PDXDC1: variants seen among roughly 807,000 people sequenced by gnomAD.
PDXDC1 encodes pyridoxal-dependent decarboxylase domain-containing protein 1.
In PDXDC1, 42 loss-of-function variants were observed where a neutral mutation model predicts 100.1. That is an observed-to-expected ratio of 0.42 (90% CI 0.33 to 0.54). The LOEUF (loss-of-function observed/expected upper bound fraction) is 0.54. Ranked by LOEUF, PDXDC1 falls within the 20% of genes least tolerant of loss-of-function variation. PDXDC1 has a pLI of 0.10. For missense variants in PDXDC1, 636 were observed against 979.2 expected (o/e 0.65, Z 4.68); for synonymous variants, 260 against 371.7 (o/e 0.70, Z 3.46).
intron 16 of PDXDC1, among the ~76,000 whole-genome samples, chr16:15,117,450 A>C (rs2151884796): frequency 6.7e-6 from 1 of 149,466 alleles, no homozygotes; most frequent in East Asian, 2.0e-4. Flanking sequence ...CGAGGTCAAG[A>C]GATGGAGACT....
At chr16:15,020,975 A>AACACACACACACACACACAC (rs66850292) in intron 12 of PDXDC1, among the ~76,000 whole-genome samples, 6 of 145,928 alleles carry the variant, frequency 4.1e-5, no homozygotes, top group African/African-American at 1.0e-4. Context: ...GCACCATCTA[A>AACACACACACACACACACAC]ACACACACAC....
chr16:15,114,710 CT>C, intron 16 of PDXDC1: 1 of 519,950 alleles, frequency 1.9e-6, no homozygotes, highest in Non-Finnish European at 3.4e-6. Flanking sequence ...GATTCCACTG[CT>C]ACAAAAAAGA....
At chr16:14,998,632 A>G (rs1432716733) in intron 3 of PDXDC1, among the ~76,000 whole-genome samples, 1 of 152,268 alleles carries the variant, frequency 6.6e-6, no homozygotes, top group Non-Finnish European at 1.5e-5. Flanking sequence ...TATTTTCAGT[A>G]GAGATGGGAT....
intron 16 of PDXDC1, chr16:15,060,103 C>T (rs2044658844): frequency 5.9e-6 from 2 of 336,388 alleles, no homozygotes; most frequent in East Asian, 2.0e-4. Flanking sequence ...TTCATTTTCA[C>T]CATGGATTTT....
downstream of PDXDC1, chr16:15,040,211 G>A: frequency 2.2e-6 from 1 of 450,686 alleles, no homozygotes; most frequent in Non-Finnish European, 3.9e-6. Context: ...CCCCCTCCCT[G>A]GAGGGGGAAA....
At chr16:15,017,668 A>G (rs1263400073) in intron 11 of PDXDC1, among the ~76,000 whole-genome samples, 10 of 152,276 alleles carry the variant, frequency 6.6e-5, no homozygotes, top group Non-Finnish European at 1.3e-4. Flanking sequence ...TTGTTACTGA[A>G]ATAATGAAGC....
intron 16 of PDXDC1, chr16:15,128,366 T>A: frequency 6.2e-7 from 1 of 1,604,558 alleles, no homozygotes; most frequent in Non-Finnish European, 8.5e-7. Flanking sequence ...CCATACAGCA[T>A]GATGCCCACG....
chr16:15,025,401 A>T (rs1308596606), intron 13 of PDXDC1: 2 of 152,434 alleles, frequency 1.3e-5, no homozygotes, highest in Non-Finnish European at 2.9e-5. Context: ...GCCCCTATTT[A>T]AATATTAAGC....
intron 16 of PDXDC1, among the ~76,000 whole-genome samples, chr16:15,122,122 C>A (rs1253122028): frequency 6.6e-6 from 1 of 151,922 alleles, no homozygotes; most frequent in Non-Finnish European, 1.5e-5. Flanking sequence ...CGAGATCTTG[C>A]CACTGCACTC....
rs147323628 is a variant in PDXDC1, at chr16:15,032,547, G to A, written c.1572-314G>A. ...TGCACACCTGTAGTCCCAGCTACTC[G>A]GGAAGCTTAGATGGAAGGATCAACT... On this transcript the variant is annotated intron_variant, in intron 17 of 22. Coordinates refer to ENST00000396410, the MANE Select transcript of PDXDC1 (RefSeq NM_015027.4). 7.6e-3 allele frequency: 1,698 copies of A among 223,350 alleles called. 14 individuals are homozygous for A. The highest frequency in any genetic ancestry group is 8.8e-3 in the Non-Finnish European group (1,003 of 114,310). 13.8% of individuals were successfully genotyped at this position (223,350 alleles called of 1,614,324 possible).
chr16:15,132,909 G>C (rs1347907868), intron 16 of PDXDC1: 1 of 1,588,424 alleles, frequency 6.3e-7, no homozygotes, highest in African/African-American at 1.3e-5. Flanking sequence ...GCTGTCAGCA[G>C]GGCAGGAGAC....
At position 14,985,198 on chromosome 16, in the gene PDXDC1, G is replaced by C. The variant is rs1335837772; in HGVS notation, c.21+9978G>C. ...GATGAAAAAATTTTTAAAGTGACTA[G>C]TTCATTAATTCCCAAATCTTAGGCT... On this transcript the variant is annotated intron_variant, in intron 1 of 22. Transcript: ENST00000396410. Among the ~76,000 whole-genome samples, 11 of 151,086 alleles carry C rather than the reference G, an allele frequency of 7.3e-5. No individual in the cohort carries two copies. In the East Asian group the frequency reaches 2.0e-3, roughly 28 times the overall value.
intron 16 of PDXDC1, chr16:15,131,602 G>A (rs1271946449): frequency 2.2e-5 from 35 of 1,603,534 alleles, no homozygotes; most frequent in African/African-American, 2.1e-4. Flanking sequence ...GAGGGCAGAG[G>A]TCAGGTTGTA....
intron 1 of PDXDC1, among the ~76,000 whole-genome samples, chr16:14,978,153 C>G (rs1306637595): frequency 2.6e-5 from 4 of 152,220 alleles, no homozygotes; most frequent in East Asian, 1.9e-4. Context: ...CAGTGATGTC[C>G]CAATAAATCA....
At chr16:15,002,444 G>A (rs1270952164) in intron 4 of PDXDC1, among the ~76,000 whole-genome samples, 4 of 152,294 alleles carry the variant, frequency 2.6e-5, no homozygotes. Flanking sequence ...TGCATATGCT[G>A]TGCATCTTGC....
At chr16:15,085,530 C>G in intron 16 of PDXDC1, 3 of 1,493,236 alleles carry the variant, frequency 2.0e-6, no homozygotes, top group Non-Finnish European at 2.7e-6. Flanking sequence ...GTTGCCCAGG[C>G]TGGTCTCAAA....
intron 1 of PDXDC1, chr16:14,990,188 G>A (rs71374762): frequency 0.25 from 282,504 of 1,136,144 alleles, 10,775 homozygotes; most frequent in East Asian, 0.5. Flanking sequence ...GCAAGGGCGC[G>A]AGGGCGGCCG....
downstream of PDXDC1, chr16:15,038,548 G>A (rs988003944): frequency 1.6e-6 from 2 of 1,271,848 alleles, no homozygotes; most frequent in Non-Finnish European, 2.3e-6. Context: ...AGAGATTTAA[G>A]ACTTACCCAG....
rs145357380 is a variant in PDXDC1 at position 15,060,234 on chromosome 16, G to A, written c.1399+30178G>A. 6.5e-5 allele frequency: 23 copies of A among 351,336 alleles called. No individual in the cohort carries two copies. The East Asian group carries it at 1.7e-3, about 25-fold the overall frequency. The allele number at this position is 351,336 out of a possible 1,614,324, so 21.8% of individuals were successfully genotyped here. ...AATTTCTGGGGAATTTCGTTTACTCGTTTTATCTAATATTAAAAAATCAAC... is the reference window on the plus strand; with the variant it reads ...AATTTCTGGGGAATTTCGTTTACTCATTTTATCTAATATTAAAAAATCAAC... On this transcript the variant is annotated intron_variant, in intron 16 of 16. Transcript: ENST00000535621.
Sources: gnomAD v4.1 joint callset for allele counts (sites outside exome capture counted in the v4.1 genomes callset) on GRCh38, gnomAD v4.1.1 for gene constraint, MANE v1.5 for transcripts, NCBI Gene and HGNC (gene_info 2026-07-23, HGNC 2026-07-21) for gene names.